The following DIP2C variants were observed in gnomAD, a reference collection of about 807,000 sequenced individuals.
DIP2C encodes DIP2 acetate--CoA ligase C (putative), also known as disco-interacting protein 2 homolog C.
A neutral mutation model predicts 192.4 loss-of-function variants in DIP2C; 33 were observed. That is an observed-to-expected ratio of 0.17 (90% CI 0.13 to 0.23). The LOEUF (loss-of-function observed/expected upper bound fraction) is 0.23, where lower values mean the gene tolerates loss of function less well. DIP2C is among the 10% of genes least tolerant of loss of function. The pLI is 1.00. For missense variants in DIP2C, 1,537 were observed against 2,110.1 expected (o/e 0.73, Z 5.32); for synonymous variants, 979 against 864.1 (o/e 1.13, Z -2.33).
intron 18 of DIP2C, among the ~76,000 whole-genome samples, chr10:369,054 G>A (rs918724214): frequency 6.6e-6 from 1 of 152,250 alleles, no homozygotes; most frequent in African/African-American, 2.4e-5. Flanking sequence ...CTCTACTGCT[G>A]AAAACAGGTT....
intron 4 of DIP2C, among the ~76,000 whole-genome samples, chr10:436,359 GTCA>G (rs1342967046): frequency 1.3e-5 from 2 of 152,240 alleles, no homozygotes; most frequent in African/African-American, 2.4e-5. Flanking sequence ...GCACTGCTGG[GTCA>G]TCGTGACCAT....
intron 3 of DIP2C, among the ~76,000 whole-genome samples, chr10:452,089 C>G (rs763673103): frequency 6.6e-6 from 1 of 152,102 alleles, no homozygotes; most frequent in Non-Finnish European, 1.5e-5. Context: ...TCGGGTAACA[C>G]GAGCAGGAGG....
In DIP2C at chr10:444,531, C is replaced by T. The variant is rs1057271081; in HGVS notation, c.269-3535G>A. On this transcript the variant is annotated intron_variant, in intron 3 of 36. Transcript: ENST00000280886. Reference sequence around the variant, plus strand: ...TGAGGAGTGTTTCTTGGTGCTCTTCCGTCACCCGAGACTTGTGTAGATTCT... The same window carrying T: ...TGAGGAGTGTTTCTTGGTGCTCTTCTGTCACCCGAGACTTGTGTAGATTCT... Among the ~76,000 whole-genome samples the T allele has an allele frequency of 5.3e-5, 8 of 152,160 alleles. No individual in the cohort carries two copies. In the Middle Eastern group the frequency reaches 0.01, roughly 195 times the overall value.
intron 3 of DIP2C, among the ~76,000 whole-genome samples, chr10:445,604 A>G (rs181657042): frequency 7.7e-6 from 1 of 130,710 alleles, no homozygotes; most frequent in East Asian, 2.1e-4. Context: ...TCTACTGGGC[A>G]TCTGTATACA....
chr10:300,635 TGAGCGTGTGGAGAAGCC>T (rs1564524325), intron 32 of DIP2C, among the ~76,000 whole-genome samples: 5 of 147,142 alleles, frequency 3.4e-5, no homozygotes, highest in African/African-American at 5.1e-5. Context: ...GGCGCGGCCC[TGAGCGTGTGGAGAAGCC>T]GGAACCCAGG....
chr10:401,026 T>A (rs1964390036), intron 9 of DIP2C, among the ~76,000 whole-genome samples: 1 of 129,402 alleles, frequency 7.7e-6, no homozygotes, highest in African/African-American at 3.0e-5. Flanking sequence ...ATTTTACACG[T>A]GTGGTAGCAT....
chr10:283,329 C>A lies in DIP2C; in HGVS notation c.4237G>T (p.Ala1413Ser). Residue 1413 changes from alanine (A) to serine (S), a missense_variant, in exon 35 of 37, where the codon GCA (alanine) becomes TCA (serine). Transcript: ENST00000280886. ...LSFGDTQTIW[A>S]RTGYLGFLRR... ...AGGAACCCCAAGTAGCCTGTGCGTGCCCAGATGGTCTGGGTGTCTCCAAAA... is the reference window on the plus strand; with the variant it reads ...AGGAACCCCAAGTAGCCTGTGCGTGACCAGATGGTCTGGGTGTCTCCAAAA... The A allele has an allele frequency of 6.2e-7, 1 of 1,614,094 alleles. No homozygotes were observed. Among genetic ancestry groups the A allele is most frequent in the Non-Finnish European group, 8.5e-7 (1 of 1,179,982 alleles).
chr10:602,212 C>G (rs1852132313), intron 1 of DIP2C, among the ~76,000 whole-genome samples: 1 of 152,204 alleles, frequency 6.6e-6, no homozygotes, highest in Non-Finnish European at 1.5e-5. Flanking sequence ...TGTCAGTTCT[C>G]AAAGCCCTTA....
At chr10:556,440 G>A in intron 1 of DIP2C, among the ~76,000 whole-genome samples, 1 of 139,326 alleles carries the variant, frequency 7.2e-6, no homozygotes, top group Non-Finnish European at 1.5e-5. Context: ...TCATCACGCA[G>A]CCACCCACAC....
At chr10:459,988 G>A (rs1030374569) in intron 3 of DIP2C, among the ~76,000 whole-genome samples, 11 of 151,630 alleles carry the variant, frequency 7.3e-5, no homozygotes, top group African/African-American at 2.7e-4. Context: ...GGAACCACCT[G>A]CTGCACGTGA....
intron 1 of DIP2C, among the ~76,000 whole-genome samples, chr10:556,843 C>T (rs977618539): frequency 6.6e-6 from 1 of 152,226 alleles, no homozygotes; most frequent in African/African-American, 2.4e-5. Context: ...CTGTGAGCCC[C>T]GACCCTGGAA....
chr10:658,271 C>T (rs1359652029), intron 1 of DIP2C, among the ~76,000 whole-genome samples: 5 of 149,020 alleles, frequency 3.4e-5, no homozygotes, highest in African/African-American at 1.0e-4. Context: ...CTGGACCTGC[C>T]CCTGGACCTG....
intron 1 of DIP2C, among the ~76,000 whole-genome samples, chr10:539,468 A>G (rs138176428): frequency 6.6e-6 from 1 of 152,364 alleles, no homozygotes; most frequent in African/African-American, 2.4e-5. Flanking sequence ...TCATATGCAA[A>G]CACTATGCCA....
At chr10:574,120 T>C (rs1008960534) in intron 1 of DIP2C, among the ~76,000 whole-genome samples, 1 of 152,236 alleles carries the variant, frequency 6.6e-6, no homozygotes, top group Non-Finnish European at 1.5e-5. Context: ...TTCTGATGCA[T>C]TTTACTGACT....
chr10:480,177 G>A (rs1167947589), intron 2 of DIP2C, among the ~76,000 whole-genome samples: 1 of 150,532 alleles, frequency 6.6e-6, no homozygotes, highest in Non-Finnish European at 1.5e-5. Flanking sequence ...GCCAGCCTGA[G>A]CCCCGGTCCA....
At chr10:540,821 T>C (rs780239334) in intron 1 of DIP2C, among the ~76,000 whole-genome samples, 15 of 152,380 alleles carry the variant, frequency 9.8e-5, no homozygotes, top group Non-Finnish European at 1.6e-4. Context: ...CATGAAAGAC[T>C]AATACCCTGT....
intron 31 of DIP2C, among the ~76,000 whole-genome samples, chr10:318,910 C>CTTT (rs36067497): frequency 3.4e-5 from 5 of 146,676 alleles, no homozygotes; most frequent in Admixed American, 2.0e-4. Context: ...CCACATTTTT[C>CTTT]TTTTTTTTTT....
In DIP2C at chr10:636,185, C is replaced by T. The variant is rs192495033; in HGVS notation, c.85+53309G>A. On this transcript the variant is annotated intron_variant, in intron 1 of 36. Transcript: ENST00000280886. This position sits in a 1 kb window ranked among gnomAD's most constrained non-coding sequence, Gnocchi z 4.6. ...CCAGGAGGAGGAAATCCCCACAAGT[C>T]GACAGAACACCAACGGCTCGTCGGC... 3.9e-4 allele frequency among the ~76,000 whole-genome samples: 60 copies of T among 152,336 alleles called. No individual in the cohort carries two copies. The highest frequency in any genetic ancestry group is 8.3e-4 in the South Asian group (4 of 4,824).
intron 32 of DIP2C, among the ~76,000 whole-genome samples, chr10:305,070 C>T (rs1956248567): frequency 6.6e-6 from 1 of 152,220 alleles, no homozygotes; most frequent in Admixed American, 6.5e-5. Flanking sequence ...TACACTCATG[C>T]ACATGCATGT....
Sources: allele counts gnomAD v4.1 joint callset (sites outside exome capture counted in the v4.1 genomes callset), GRCh38; gene constraint gnomAD v4.1.1; non-coding constraint Gnocchi (gnomAD v3.1); transcripts MANE v1.5; gene names NCBI Gene and HGNC (gene_info 2026-07-23, HGNC 2026-07-21).